The following PTGER4 variants were observed in gnomAD, a reference collection of about 807,000 sequenced individuals.
PTGER4 encodes prostaglandin E2 receptor EP4 subtype.
PTGER4 carries 11 observed loss-of-function variants against 33.2 expected under a neutral mutation model. The observed-to-expected ratio is 0.33, with a 90% CI of 0.21 to 0.55. PTGER4 has a LOEUF of 0.55. Ranked by LOEUF, PTGER4 falls within the 20% of genes least tolerant of loss-of-function variation. PTGER4 has a pLI of 0.92. For synonymous variants in PTGER4, 275 were observed against 281.5 expected (o/e 0.98, Z 0.23); for missense variants, 481 against 650.2 (o/e 0.74, Z 2.83).
At chr5:40,727,019 C>G in the PTGER4 span, among the ~76,000 whole-genome samples, 1 of 152,204 alleles carries the variant, frequency 6.6e-6, no homozygotes, top group South Asian at 2.1e-4. Context: ...CTGTGAATCT[C>G]ATTTAGATTA....
the PTGER4 span, chr5:40,716,060 A>G: frequency 8.7e-6 from 10 of 1,155,366 alleles, no homozygotes; most frequent in East Asian, 5.0e-5. Context: ...GCGTTCTCCT[A>G]TCTATCTCCA....
the PTGER4 span, among the ~76,000 whole-genome samples, chr5:40,746,542 C>CA: frequency 6.6e-6 from 1 of 152,084 alleles, no homozygotes; most frequent in Non-Finnish European, 1.5e-5. Flanking sequence ...TTAGGCACAA[C>CA]AAAAATGATG....
Position 40,684,939 on chromosome 5 carries a change from C to T in PTGER4, c.867+3079C>T, listed in dbSNP as rs149412645. 3.2e-3 allele frequency among the ~76,000 whole-genome samples: 483 copies of T among 152,184 alleles called. 12 individuals are homozygous for T. Among genetic ancestry groups the T allele is most frequent in the Admixed American group, 0.027 (420 of 15,294 alleles). On this transcript the variant is annotated intron_variant, in intron 2 of 2. Transcript: ENST00000302472. ...AAGGATTGAATTCTTTAGAAATATG[C>T]AAGCAAGACAGCCTCCTAAGGTCCT... is the stretch of plus-strand genomic sequence containing the variant.
the PTGER4 span, among the ~76,000 whole-genome samples, chr5:40,729,839 C>T: frequency 6.6e-6 from 1 of 152,190 alleles, no homozygotes; most frequent in African/African-American, 2.4e-5. Context: ...GCTGGGACTA[C>T]AGGCATGTGC....
the PTGER4 span, among the ~76,000 whole-genome samples, chr5:40,740,807 T>A: frequency 6.6e-6 from 1 of 152,198 alleles, no homozygotes; most frequent in African/African-American, 2.4e-5. Flanking sequence ...ATACAGTGAT[T>A]CCCCTAATGA....
chr5:40,685,075 CT>C (rs1741292707), intron 2 of PTGER4, among the ~76,000 whole-genome samples: 1 of 152,110 alleles, frequency 6.6e-6, no homozygotes. Context: ...TAAACAGTTA[CT>C]ATAGGGTTTC....
chr5:40,697,196 A>AG (rs1741619709), downstream of PTGER4, among the ~76,000 whole-genome samples: 2 of 144,318 alleles, frequency 1.4e-5, no homozygotes, highest in African/African-American at 5.2e-5. Context: ...AGAAAGAAAG[A>AG]AAAGAAAGAA....
the PTGER4 span, among the ~76,000 whole-genome samples, chr5:40,718,585 C>T: frequency 0.035 from 5,303 of 151,880 alleles, 122 homozygotes; most frequent in Non-Finnish European, 0.051. Context: ...ACTAAAAATA[C>T]AAAAATTAGC....
At chr5:40,740,051 A>T in the PTGER4 span, among the ~76,000 whole-genome samples, 1 of 152,140 alleles carries the variant, frequency 6.6e-6, no homozygotes, top group African/African-American at 2.4e-5. Context: ...TTTGAATACA[A>T]CATAACAGCC....
chr5:40,719,967 T>C, the PTGER4 span, among the ~76,000 whole-genome samples: 1 of 152,230 alleles, frequency 6.6e-6, no homozygotes, highest in African/African-American at 2.4e-5. Flanking sequence ...GATTTACAAA[T>C]ATTTTCTTCC....
At chr5:40,738,444 A>AAATACAATAC in the PTGER4 span, among the ~76,000 whole-genome samples, 1,522 of 83,690 alleles carry the variant, frequency 0.018, 49 homozygotes, top group Middle Eastern at 0.03. Context: ...ATATAAAATA[A>AAATACAATAC]AATACAATAC....
intron 2 of PTGER4, chr5:40,685,305 T>C: frequency 1.4e-6 from 1 of 703,470 alleles, no homozygotes; most frequent in Non-Finnish European, 1.7e-6. Context: ...TAGTTGTCTC[T>C]ATAAAGCTTT....
At chr5:40,705,005 C>G in the PTGER4 span, among the ~76,000 whole-genome samples, 12 of 151,842 alleles carry the variant, frequency 7.9e-5, no homozygotes, top group Non-Finnish European at 1.8e-4. Context: ...AAAAAAGAGC[C>G]CAAATAGCCA....
intron 2 of PTGER4, among the ~76,000 whole-genome samples, chr5:40,686,813 G>A (rs1277583860): frequency 6.6e-6 from 1 of 152,204 alleles, no homozygotes; most frequent in Non-Finnish European, 1.5e-5. Context: ...CTGGAGGATT[G>A]CTTGAGCCCA....
chr5:40,743,191 G>C, the PTGER4 span, among the ~76,000 whole-genome samples: 1 of 152,154 alleles, frequency 6.6e-6, no homozygotes, highest in Non-Finnish European at 1.5e-5. Context: ...CTTCAGACTG[G>C]GTAATCAGAG....
rs1741503662 is a variant in PTGER4, at chr5:40,692,625, A to AT, written c.*247_*248insT. On this transcript the variant is annotated 3_prime_UTR_variant, in exon 3 of 3. Transcript: ENST00000302472. ...TTGTGGTCACAACTTGATGGCTGCG[A>AT]AGACCTACCCTCCGTTTTTCTACTA... 1 of 1,233,468 alleles carries AT rather than the reference A, an allele frequency of 8.1e-7. No individual in the cohort carries two copies. The highest frequency in any genetic ancestry group is 1.0e-6 in the Non-Finnish European group (1 of 984,296). The allele number at this position is 1,233,468 out of a possible 1,614,324, so 76.4% of individuals were successfully genotyped here. A position where few individuals can be genotyped will look rare whatever the true frequency, so the allele number is the denominator to read the frequency against.
chr5:40,690,677 T>A (rs1289007232), intron 2 of PTGER4, among the ~76,000 whole-genome samples: 1 of 152,228 alleles, frequency 6.6e-6, no homozygotes, highest in East Asian at 1.9e-4. Context: ...CTTTCTAGAC[T>A]AGAATAAAAG....
At chr5:40,697,226 AAAAGAAAGAAAGAAAGAAAG>A (rs70988803), downstream of PTGER4, among the ~76,000 whole-genome samples, 2,447 of 112,578 alleles carry the variant, frequency 0.022, 87 homozygotes, top group Admixed American at 0.052. Context: ...AAGAAAGAAG[AAAAGAAAGAAAGAAAGAAAG>A]AAAGAAAGAA....
chr5:40,681,246 T>C lies in PTGER4; in HGVS notation c.253T>C (p.Trp85Arg). The C allele has an allele frequency of 6.2e-7, 1 of 1,614,086 alleles. No homozygotes were observed. The highest frequency in any genetic ancestry group is 8.5e-7 in the Non-Finnish European group (1 of 1,180,022). ...VTIATYMKGQ[W>R]PGGQPLCEYS... is the part of the protein sequence containing the mutation. ...CATCGCCACGTACATGAAGGGCCAATGGCCCGGGGGCCAGCCGCTGTGCGA... is the reference window on the plus strand; with the variant it reads ...CATCGCCACGTACATGAAGGGCCAACGGCCCGGGGGCCAGCCGCTGTGCGA... The change falls in exon 2 of 3, where the codon TGG becomes CGG. Residue 85 changes from tryptophan to arginine, a missense_variant. Coordinates refer to ENST00000302472, the MANE Select transcript of PTGER4 (RefSeq NM_000958.3). This position sits in a 1 kb window ranked among gnomAD's most constrained non-coding sequence, Gnocchi z 9.8.
Sources: allele counts gnomAD v4.1 joint callset (sites outside exome capture counted in the v4.1 genomes callset), GRCh38; gene constraint gnomAD v4.1.1; non-coding constraint Gnocchi (gnomAD v3.1); transcripts MANE v1.5; gene names NCBI Gene and HGNC (gene_info 2026-07-23, HGNC 2026-07-21).